Variants in IRX4 observed in about 807,000 individuals in gnomAD.
IRX4 encodes the protein iroquois homeobox 4.
IRX4 carries 22 observed loss-of-function variants against 32.0 expected under a neutral mutation model. That is an observed-to-expected ratio of 0.69 (90% CI 0.49 to 0.98). IRX4 has a LOEUF of 0.98. IRX4 is among the 50% of genes least tolerant of loss of function. The pLI, the probability that IRX4 is intolerant of heterozygous loss-of-function variation, is 0.00. For synonymous variants in IRX4, 379 were observed against 351.7 expected (o/e 1.08, Z -0.87); for missense variants, 840 against 744.2 (o/e 1.13, Z -1.50).
chr5:1,883,660 G>C (rs111779258), upstream of IRX4, among the ~76,000 whole-genome samples: 31 of 152,212 alleles, frequency 2.0e-4, no homozygotes, highest in Admixed American at 5.9e-4. Flanking sequence ...CTGGGCAGCC[G>C]AGTGTCGCGG....
chr5:1,883,621 C>T (rs951672395), upstream of IRX4, among the ~76,000 whole-genome samples: 2 of 152,198 alleles, frequency 1.3e-5, no homozygotes, highest in East Asian at 3.9e-4. Flanking sequence ...TAGGGCCGCC[C>T]CGGGCGTGCG....
chr5:1,882,615 G>A lies in IRX4; in HGVS notation c.33C>T (p.Ser11=). Residue 11 remains serine (S), a synonymous_variant, in exon 1 of 5, where the codon TCC becomes TCT. Coordinates refer to ENST00000231357, the MANE Select transcript of IRX4 (RefSeq NM_016358.3). ...GGGCTCCGCTTACCTGGGGAGCCGA[G>A]GAGTAGGGGTATCCAAACTGCGGGT... is the stretch of plus-strand genomic sequence containing the variant. The part of the protein sequence containing the change: MSYPQFGYPY[S]SAPQFLMATN... 1 of 1,452,178 alleles carries A rather than the reference G, an allele frequency of 6.9e-7. No individual in the cohort carries two copies. The highest frequency in any genetic ancestry group is 9.0e-7 in the Non-Finnish European group (1 of 1,106,552). 90.0% of individuals were successfully genotyped at this position (1,452,178 alleles called of 1,614,324 possible). A position where few individuals can be genotyped will look rare whatever the true frequency, so the allele number is the denominator to read the frequency against.
At position 1,881,847 on chromosome 5, in the gene IRX4, G is replaced by A; in HGVS notation, c.258C>T (p.Tyr86=). Residue 86 remains tyrosine, a synonymous_variant, in exon 2 of 5, where the codon TAC becomes TAT. Transcript: ENST00000231357. ...PYGGSQGYGN[Y]VTYGSEASAF... Reference sequence around the variant, plus strand: ...CGGACGCCTCCGAGCCGTAGGTCACGTAGTTGCCATAGCCCTGCGATCCGC... The same window carrying A: ...CGGACGCCTCCGAGCCGTAGGTCACATAGTTGCCATAGCCCTGCGATCCGC... 2 of 1,579,612 alleles carry A rather than the reference G, an allele frequency of 1.3e-6. No individual in the cohort carries two copies. The highest frequency in any genetic ancestry group is 1.7e-6 in the Non-Finnish European group (2 of 1,163,076).
rs767586847 is a variant in IRX4, at chr5:1,878,593, G to A, written c.936C>T (p.Gly312=). The A allele has an allele frequency of 2.6e-5, 41 of 1,553,896 alleles. No homozygotes were observed. In the African/African-American group the frequency reaches 5.0e-4, roughly 19 times the overall value. ...CCAGGTCCTCGTCCAGAGCAGCTCCGCCACCCGCGGCCAGAGACATCCGGA... is the reference window on the plus strand; with the variant it reads ...CCAGGTCCTCGTCCAGAGCAGCTCCACCACCCGCGGCCAGAGACATCCGGA... The part of the protein sequence containing the change: ...GALRMSLAAG[G]GAALDEDLER... Residue 312 remains glycine, a synonymous_variant, in exon 5 of 5, where the codon GGC becomes GGT. Coordinates refer to ENST00000231357, the MANE Select transcript of IRX4 (RefSeq NM_016358.3).
intron 2 of IRX4, chr5:1,881,170 GAGA>G (rs1215576964): frequency 1.5e-4 from 58 of 383,316 alleles, no homozygotes; most frequent in South Asian, 1.0e-3. Flanking sequence ...GGGCAGCTGG[GAGA>G]AGGAGTGGGG....
intron 4 of IRX4, 39 bp from the exon 5 acceptor site, chr5:1,878,831 T>G: frequency 3.1e-4 from 496 of 1,595,902 alleles, no homozygotes; most frequent in Non-Finnish European, 3.9e-4. Flanking sequence ...GGGAGAGGGT[T>G]GGTAGGTGAA....
At position 1,877,920 on chromosome 5, in the gene IRX4, G is replaced by A; in HGVS notation, c.*49C>T. On this transcript the variant is annotated 3_prime_UTR_variant, in exon 5 of 5. Coordinates refer to ENST00000231357, the MANE Select transcript of IRX4 (RefSeq NM_016358.3). ...TGGAAACTCAGTGAAAAGAGTCGGC[G>A]CCGTCCGCCTGAGCGCGGGTTCCCT... 2 of 1,441,286 alleles carry A rather than the reference G, an allele frequency of 1.4e-6. No individual in the cohort carries two copies. 89.3% of individuals were successfully genotyped at this position (1,441,286 alleles called of 1,614,324 possible).
At position 1,879,551 on chromosome 5, in the gene IRX4, C is replaced by A. The variant is rs1271909508; in HGVS notation, c.689G>T (p.Gly230Val). ...PYAEGEEEEG[G>V]EEEAREEPLK... ...GGGCTCCTCCCGCGCCTCCTCCTCG[C>A]CCCCCTCCTCCTCCTCGCCCTCCGC... The change falls in exon 4 of 5, where the codon GGC (glycine) becomes GTC (valine). Residue 230 changes from glycine to valine, a missense_variant. Gly to Val is a moderately radical substitution (Grantham distance 109). Coordinates refer to ENST00000231357, the MANE Select transcript of IRX4 (RefSeq NM_016358.3). The A allele has an allele frequency of 1.2e-6, 2 of 1,613,198 alleles. No individual in the cohort carries two copies. The highest frequency in any genetic ancestry group is 1.1e-5 in the South Asian group (1 of 91,062).
chr5:1,881,778 C>T (rs1284499192), intron 2 of IRX4, 30 bp downstream of exon 2: 2 of 1,563,050 alleles, frequency 1.3e-6, no homozygotes, highest in Non-Finnish European at 1.7e-6. Flanking sequence ...GGGCCAGGGG[C>T]AGGGCAAGGG....
chr5:1,883,564 G>A (rs1735529913), upstream of IRX4, among the ~76,000 whole-genome samples: 2 of 152,234 alleles, frequency 1.3e-5, no homozygotes, highest in Admixed American at 6.5e-5. Context: ...GGGGCTTCGG[G>A]GCCTTAGTTG....
chr5:1,882,551 A>G (rs933100502), intron 1 of IRX4, 52 bp downstream of exon 1: 12 of 1,431,282 alleles, frequency 8.4e-6, no homozygotes, highest in Admixed American at 4.4e-5. Context: ...TCCCCGCCCC[A>G]TCCGCCCTAC....
rs534339630 is a variant in IRX4 at position 1,878,389 on chromosome 5, G to C, written c.1140C>G (p.Ala380=). 6.5e-7 allele frequency: 1 copy of C among 1,528,180 alleles called. No homozygotes were observed. Among genetic ancestry groups the C allele is most frequent in the South Asian group, 1.2e-5 (1 of 82,652 alleles). 94.7% of individuals were successfully genotyped at this position (1,528,180 alleles called of 1,614,324 possible). ...CAGTCTGGCTCAGGGAGGTGGCGGC[G>C]GCGGCGGCGGCGGTGGCTGTGTGGG... ...SLAHTATAAA[A]AATSLSQTEF... The change falls in exon 5 of 5, where the codon GCC becomes GCG. Residue 380 remains alanine, a synonymous_variant. Transcript: ENST00000231357.
chr5:1,878,198 TG>T lies in IRX4; in HGVS notation c.1330del (p.His444ThrfsTer10). 6.3e-7 allele frequency: 1 copy of T among 1,597,526 alleles called. No homozygotes were observed. Among genetic ancestry groups the T allele is most frequent in the South Asian group, 1.1e-5 (1 of 88,298 alleles). On this transcript the variant is annotated frameshift_variant, in exon 5 of 5. Transcript: ENST00000231357. LOFTEE classifies it high-confidence loss of function. Reference protein sequence around the residue: ...SLRNWVDGVFHDPILRHSTLN... With the variant: ...SLRNWVDGVFXDPILRHSTLN... ...AGTGCTGTGCCTGAGGATGGGGTCG[TG>T]GAAGACCCCGTCCACCCAGTTTCTG...
chr5:1,878,191 G>A lies in IRX4; in HGVS notation c.1338C>T (p.Pro446=). Residue 446 remains proline, a synonymous_variant, in exon 5 of 5, where the codon CCC becomes CCT. Coordinates refer to ENST00000231357, the MANE Select transcript of IRX4 (RefSeq NM_016358.3). ...GGTTCAAAGTGCTGTGCCTGAGGATGGGGTCGTGGAAGACCCCGTCCACCC... is the reference window on the plus strand; with the variant it reads ...GGTTCAAAGTGCTGTGCCTGAGGATAGGGTCGTGGAAGACCCCGTCCACCC... ...RNWVDGVFHD[P]ILRHSTLNQA... 6.3e-7 allele frequency: 1 copy of A among 1,595,858 alleles called. No individual in the cohort carries two copies. The highest frequency in any genetic ancestry group is 8.5e-7 in the Non-Finnish European group (1 of 1,172,814).
Position 1,882,583 on chromosome 5 carries a change from C to T in IRX4, c.45+20G>A, listed in dbSNP as rs201069335. ...CTACCGGCACCTGCGGTGGCCTGGGCGGGGCGGGGCTCCGCTTACCTGGGG... is the reference window on the plus strand; with the variant it reads ...CTACCGGCACCTGCGGTGGCCTGGGTGGGGCGGGGCTCCGCTTACCTGGGG... On this transcript the variant is annotated intron_variant, in intron 1 of 4. Coordinates refer to ENST00000231357, the MANE Select transcript of IRX4 (RefSeq NM_016358.3). The T allele has an allele frequency of 8.6e-3, 12,852 of 1,489,042 alleles. 73 individuals carry two copies. Among genetic ancestry groups the T allele is most frequent in the Non-Finnish European group, 0.011 (11,909 of 1,122,178 alleles). 92.2% of individuals were successfully genotyped at this position (1,489,042 alleles called of 1,614,324 possible).
At chr5:1,878,995 ATTT>A in intron 4 of IRX4, among the ~76,000 whole-genome samples, 1 of 145,158 alleles carries the variant, frequency 6.9e-6, no homozygotes, top group South Asian at 2.2e-4. Flanking sequence ...GGGGTGTCTA[ATTT>A]TTTTTTTTTT....
intron 2 of IRX4, 185 bp from the exon 3 acceptor site, chr5:1,881,019 T>A: frequency 2.1e-6 from 1 of 469,986 alleles, no homozygotes; most frequent in Non-Finnish European, 3.9e-6. Context: ...AGTGGGGATG[T>A]TCTGAGTTGC....
At position 1,878,152 on chromosome 5, in the gene IRX4, G is replaced by T; in HGVS notation, c.1377C>A (p.Thr459=). ...RHSTLNQAWA[T]AKGALLDPGP... is the part of the protein sequence containing the mutation. ...CGGGGTCCAGGAGGGCGCCCTTGGC[G>T]GTGGCCCAGGCCTGGTTCAAAGTGC... The change falls in exon 5 of 5, where the codon ACC becomes ACA. Residue 459 remains threonine (T), a synonymous_variant. Coordinates refer to ENST00000231357, the MANE Select transcript of IRX4 (RefSeq NM_016358.3). 6.4e-7 allele frequency: 1 copy of T among 1,562,638 alleles called. No individual in the cohort carries two copies. The highest frequency in any genetic ancestry group is 8.6e-7 in the Non-Finnish European group (1 of 1,158,328).
chr5:1,882,512 G>C, intron 1 of IRX4, 91 bp downstream of exon 1: 1 of 1,134,792 alleles, frequency 8.8e-7, no homozygotes, highest in South Asian at 1.4e-5. Flanking sequence ...GCCGCAGGCA[G>C]TCGTAGGTCG....
Sources: gnomAD v4.1 joint callset for allele counts (sites outside exome capture counted in the v4.1 genomes callset) on GRCh38, gnomAD v4.1.1 for gene constraint, MANE v1.5 for transcripts, NCBI Gene and HGNC (gene_info 2026-07-23, HGNC 2026-07-21) for gene names.